Variants in UBE2L3 observed in about 807,000 individuals in gnomAD.
UBE2L3 encodes the protein ubiquitin conjugating enzyme E2 L3.
A neutral mutation model predicts 17.8 loss-of-function variants in UBE2L3; 1 was observed. The ratio of observed to expected loss-of-function variants is 0.06; its 90% CI spans 0.02 to 0.27. The LOEUF (loss-of-function observed/expected upper bound fraction) is 0.27, where lower values mean the gene tolerates loss of function less well. UBE2L3 is among the 10% of genes least tolerant of loss of function. The pLI is 1.00. For missense variants in UBE2L3, 40 were observed against 192.6 expected, an observed-to-expected ratio of 0.21 and a Z score of 4.69; for synonymous variants, 44 against 68.5, an observed-to-expected ratio of 0.64 and a Z score of 1.76.
At chr22:21,596,578 C>T (rs904807042) in intron 2 of UBE2L3, among the ~76,000 whole-genome samples, 22 of 152,046 alleles carry the variant, frequency 1.4e-4, no homozygotes, top group Admixed American at 1.4e-3. Flanking sequence ...GCTCTGTTGC[C>T]CAGGCTGGGG....
intron 1 of UBE2L3, among the ~76,000 whole-genome samples, chr22:21,556,090 G>T (rs541961370): frequency 6.6e-6 from 1 of 152,366 alleles, no homozygotes; most frequent in African/African-American, 2.4e-5. Flanking sequence ...AATTAACTGG[G>T]CATGGTGGTG....
At chr22:21,590,272 A>G (rs182412820) in intron 1 of UBE2L3, among the ~76,000 whole-genome samples, 1 of 152,052 alleles carries the variant, frequency 6.6e-6, no homozygotes, top group East Asian at 1.9e-4. Flanking sequence ...ATCTTAGTTC[A>G]CTGCAACCTC....
intron 1 of UBE2L3, among the ~76,000 whole-genome samples, chr22:21,561,813 G>C (rs1926442505): frequency 6.6e-6 from 1 of 152,246 alleles, no homozygotes; most frequent in Non-Finnish European, 1.5e-5. Flanking sequence ...GGGAGGTTGA[G>C]GCAAAGCCTC....
At chr22:21,593,582 CCT>C (rs1439205943) in intron 2 of UBE2L3, among the ~76,000 whole-genome samples, 1 of 152,042 alleles carries the variant, frequency 6.6e-6, no homozygotes, top group Non-Finnish European at 1.5e-5. Context: ...TCCTTAGCAC[CCT>C]CTTAGTGCCT....
At chr22:21,612,567 C>T (rs1418548921) in intron 3 of UBE2L3, among the ~76,000 whole-genome samples, 9 of 147,810 alleles carry the variant, frequency 6.1e-5, no homozygotes, top group African/African-American at 1.6e-4. Context: ...CCTCGTGATC[C>T]GCCCGCCTCG....
chr22:21,566,346 G>A (rs1263330339), upstream of UBE2L3, among the ~76,000 whole-genome samples: 1 of 152,058 alleles, frequency 6.6e-6, no homozygotes, highest in East Asian at 1.9e-4. Flanking sequence ...CACTTTGGGA[G>A]GTTGCGGCGG....
upstream of UBE2L3, among the ~76,000 whole-genome samples, chr22:21,566,113 C>T (rs183287112): frequency 1.3e-3 from 192 of 151,848 alleles, 2 homozygotes; most frequent in African/African-American, 4.0e-3. Context: ...GCTGGGATTA[C>T]GTTCGCCCAC....
At chr22:21,613,684 G>A (rs1347932166) in intron 3 of UBE2L3, among the ~76,000 whole-genome samples, 1 of 152,178 alleles carries the variant, frequency 6.6e-6, no homozygotes. Context: ...TACTCTGGAG[G>A]TTGGCTGGGC....
At chr22:21,615,352 G>A (rs1387307014) in intron 3 of UBE2L3, among the ~76,000 whole-genome samples, 6 of 151,110 alleles carry the variant, frequency 4.0e-5, no homozygotes. Context: ...TCAGGAGATT[G>A]AGACCATCCT....
At chr22:21,590,760 T>C (rs1928215348) in intron 1 of UBE2L3, among the ~76,000 whole-genome samples, 1 of 152,210 alleles carries the variant, frequency 6.6e-6, no homozygotes, top group Non-Finnish European at 1.5e-5. Context: ...CTTACTCTAG[T>C]ATCTTGAGCC....
chr22:21,615,523 C>T (rs1036564312), intron 3 of UBE2L3, among the ~76,000 whole-genome samples: 2 of 151,224 alleles, frequency 1.3e-5, no homozygotes, highest in African/African-American at 2.4e-5. Context: ...CCACTGCACT[C>T]CAGCCTGGGC....
chr22:21,584,209 G>A (rs532660904), intron 1 of UBE2L3, among the ~76,000 whole-genome samples: 3 of 134,086 alleles, frequency 2.2e-5, no homozygotes, highest in Admixed American at 8.2e-5. Context: ...ACAGAGTCTC[G>A]CTCTGTCACC....
chr22:21,597,282 A>G (rs1038712335), intron 2 of UBE2L3, among the ~76,000 whole-genome samples: 1 of 152,040 alleles, frequency 6.6e-6, no homozygotes, highest in Non-Finnish European at 1.5e-5. Context: ...GCCTGGCCTG[A>G]TGCACTAAAG....
intron 1 of UBE2L3, among the ~76,000 whole-genome samples, chr22:21,558,448 C>T (rs1270275514): frequency 6.6e-5 from 10 of 152,296 alleles, no homozygotes; most frequent in East Asian, 1.9e-4. Flanking sequence ...CTGGCTAACA[C>T]GGTGAAACCC....
upstream of UBE2L3, among the ~76,000 whole-genome samples, chr22:21,567,233 G>A (rs1926672276): frequency 6.6e-6 from 1 of 151,662 alleles, no homozygotes; most frequent in African/African-American, 2.4e-5. Flanking sequence ...GCAAGATCTC[G>A]GCTCACTGCA....
upstream of UBE2L3, among the ~76,000 whole-genome samples, chr22:21,565,178 C>T (rs1279136319): frequency 2.0e-5 from 3 of 151,940 alleles, no homozygotes; most frequent in Admixed American, 6.6e-5. Context: ...CGGCAAGCTC[C>T]GCCTCCCGGG....
intron 1 of UBE2L3, among the ~76,000 whole-genome samples, chr22:21,581,019 G>T (rs1287365480): frequency 6.6e-6 from 1 of 150,678 alleles, no homozygotes; most frequent in Non-Finnish European, 1.5e-5. Flanking sequence ...CTCTTGGGTA[G>T]CTGGGACTAC....
chr22:21,611,104 G>A, intron 3 of UBE2L3, 61 bp downstream of exon 3: 1 of 1,484,538 alleles, frequency 6.7e-7, no homozygotes, highest in Non-Finnish European at 9.0e-7. Context: ...TCTGGGGTGG[G>A]GGCTTCTGGT....
intron 3 of UBE2L3, among the ~76,000 whole-genome samples, chr22:21,616,858 T>C (rs1459216895): frequency 6.6e-6 from 1 of 151,820 alleles, no homozygotes; most frequent in Admixed American, 6.6e-5. Context: ...TGGATTTTTA[T>C]GAAAAGGAGG....
Sources: gnomAD v4.1 joint callset for allele counts (sites outside exome capture counted in the v4.1 genomes callset) on GRCh38, gnomAD v4.1.1 for gene constraint, MANE v1.5 for transcripts, NCBI Gene and HGNC (gene_info 2026-07-23, HGNC 2026-07-21) for gene names.